AFF1: variants seen among roughly 807,000 people sequenced by gnomAD.
AFF1 encodes AF4/FMR2 family member 1.
Under a neutral mutation model 121.7 loss-of-function variants are expected in AFF1, and 48 were observed. The observed-to-expected ratio is 0.39, with a 90% CI of 0.31 to 0.50. The LOEUF is 0.50. AFF1 is among the 20% of genes least tolerant of loss of function. AFF1 has a pLI of 0.76. For missense variants in AFF1, 1,523 were observed against 1,511.7 expected (o/e 1.01, Z -0.12); for synonymous variants, 613 against 563.0 (o/e 1.09, Z -1.26).
intron 1 of AFF1, among the ~76,000 whole-genome samples, chr4:86,936,893 G>T (rs759518464): frequency 3.3e-5 from 5 of 152,192 alleles, no homozygotes; most frequent in Admixed American, 1.3e-4. Context: ...AAATACATAA[G>T]TAGTACGTAA....
At position 87,114,499 on chromosome 4, in the gene AFF1, G is replaced by A. The variant is rs1202954593; in HGVS notation, c.1666G>A (p.Asp556Asn). ...GCACCCAGAGAGTAAGGGCAGCAGC[G>A]ACAGTGCCACGAGTCAGGAGCATTC... Reference protein sequence around the residue: ...RRHPESKGSSDSATSQEHSES... With the variant: ...RRHPESKGSSNSATSQEHSES... The change falls in exon 12 of 21, where the codon GAC (aspartate) becomes AAC (asparagine). Residue 556 changes from aspartate to asparagine, a missense_variant. Around this residue, in one of 5 missense-constraint regions of AFF1, gnomAD observed 905 missense variants for 842.5 expected, o/e 1.07. Coordinates refer to ENST00000395146, the MANE Select transcript of AFF1 (RefSeq NM_001166693.3). The A allele has an allele frequency of 7.4e-6, 12 of 1,613,452 alleles. No individual in the cohort carries two copies. Among genetic ancestry groups the A allele is most frequent in the South Asian group, 3.3e-5 (3 of 91,054 alleles).
chr4:87,023,504 A>G (rs560678695), intron 2 of AFF1, among the ~76,000 whole-genome samples: 43 of 152,364 alleles, frequency 2.8e-4, no homozygotes, highest in Non-Finnish European at 5.0e-4. Flanking sequence ...TTTTAATTCA[A>G]CAATGACTTT....
chr4:87,038,760 A>T (rs1290961234), intron 2 of AFF1, among the ~76,000 whole-genome samples: 2 of 152,252 alleles, frequency 1.3e-5, no homozygotes, highest in African/African-American at 4.8e-5. Context: ...TCCAGAGTTA[A>T]TGTACACTGT....
At chr4:87,095,010 G>A (rs755866149) in intron 8 of AFF1, 41 bp downstream of exon 8, 1 of 1,566,970 alleles carries the variant, frequency 6.4e-7, no homozygotes, top group Non-Finnish European at 8.8e-7. Flanking sequence ...TTTGTAGTAT[G>A]AAATTGTAAT....
chr4:87,024,020 C>T (rs1304133613), intron 2 of AFF1, among the ~76,000 whole-genome samples: 1 of 152,096 alleles, frequency 6.6e-6, no homozygotes, highest in African/African-American at 2.4e-5. Flanking sequence ...TTTTATTAAG[C>T]AATTATTTAT....
At position 87,132,355 on chromosome 4, in the gene AFF1, A is replaced by G. The variant is rs773026940; in HGVS notation, c.3258A>G (p.Lys1086=). ...IAIKYSRTLN[K]HFESSSKVAQ... is the part of the protein sequence containing the mutation. ...TAAAGTATTCTCGTACTCTTAATAA[A>G]CACTTCGAGAGTTCTTCCAAAGTCG... Residue 1086 remains lysine, a synonymous_variant, in exon 19 of 21, where the codon AAA becomes AAG. Transcript: ENST00000395146. 1.9e-6 allele frequency: 3 copies of G among 1,613,338 alleles called. No individual in the cohort carries two copies. Among genetic ancestry groups the G allele is most frequent in the Middle Eastern group, 1.7e-4 (1 of 6,054 alleles).
chr4:87,131,374 G>A (rs879397761), intron 17 of AFF1, among the ~76,000 whole-genome samples, 155 bp downstream of exon 17: 12 of 152,194 alleles, frequency 7.9e-5, no homozygotes, highest in East Asian at 3.8e-4. Flanking sequence ...CTGAAGTTGC[G>A]TTCTAGATGA....
At chr4:87,021,439 T>G (rs1727887927) in intron 2 of AFF1, among the ~76,000 whole-genome samples, 1 of 152,230 alleles carries the variant, frequency 6.6e-6, no homozygotes, top group Non-Finnish European at 1.5e-5. Context: ...TGAATGTATT[T>G]TTAATGTAAC....
chr4:86,972,681 G>A (rs1723028279), intron 2 of AFF1, among the ~76,000 whole-genome samples: 1 of 152,036 alleles, frequency 6.6e-6, no homozygotes, highest in African/African-American at 2.4e-5. Flanking sequence ...AGGATTACAG[G>A]CGTGCACCAC....
chr4:87,116,188 T>C (rs1727104779), intron 12 of AFF1, among the ~76,000 whole-genome samples: 2 of 152,226 alleles, frequency 1.3e-5, no homozygotes, highest in Admixed American at 6.5e-5. Context: ...CGTTGCAAAG[T>C]GTTGACCATA....
intron 4 of AFF1, among the ~76,000 whole-genome samples, chr4:87,079,661 T>C (rs1578207446): frequency 1.3e-5 from 2 of 152,224 alleles, no homozygotes; most frequent in African/African-American, 4.8e-5. Flanking sequence ...GCTTCAGAGC[T>C]TTTGTGTGTC....
At chr4:87,127,166 T>TGG in intron 15 of AFF1, 49 bp downstream of exon 15, 9 of 1,087,340 alleles carry the variant, frequency 8.3e-6, no homozygotes, top group Admixed American at 2.3e-5. Context: ...TTGTTTTGCT[T>TGG]CCCCCCCCCA....
At chr4:87,010,718 C>A (rs1726650341) in intron 2 of AFF1, among the ~76,000 whole-genome samples, 1 of 152,180 alleles carries the variant, frequency 6.6e-6, no homozygotes, top group Non-Finnish European at 1.5e-5. Context: ...CTAACCCTCT[C>A]ATTGAAGCAG....
chr4:87,110,119 A>G (rs568359907), intron 11 of AFF1, among the ~76,000 whole-genome samples: 1 of 152,294 alleles, frequency 6.6e-6, no homozygotes, highest in Non-Finnish European at 1.5e-5. Flanking sequence ...AATATTGCAT[A>G]ATCAGTACTG....
rs1016482860 is a variant in AFF1, at chr4:87,139,847, T to C, written c.*4146T>C. The C allele has an allele frequency of 1.3e-5, 3 of 224,696 alleles. No homozygotes were observed. Among genetic ancestry groups the C allele is most frequent in the Non-Finnish European group, 1.8e-5 (2 of 112,882 alleles). The allele number at this position is 224,696 out of a possible 1,614,324, so 13.9% of individuals were successfully genotyped here. A position where few individuals can be genotyped will look rare whatever the true frequency, so the allele number is the denominator to read the frequency against. On this transcript the variant is annotated 3_prime_UTR_variant, in exon 21 of 21. Coordinates refer to ENST00000395146, the MANE Select transcript of AFF1 (RefSeq NM_001166693.3). ...CAGTTGTGTTGGTTTCTCGGTGACT[T>C]GGAGTGTTCATCTCTTCATGAATTG...
chr4:86,971,565 T>C (rs1027946217), intron 2 of AFF1, among the ~76,000 whole-genome samples: 1 of 152,214 alleles, frequency 6.6e-6, no homozygotes, highest in Non-Finnish European at 1.5e-5. Context: ...GGTACACATG[T>C]CTATTATAAG....
chr4:87,031,530 A>G (rs1156385894), intron 2 of AFF1, among the ~76,000 whole-genome samples: 2 of 151,828 alleles, frequency 1.3e-5, no homozygotes, highest in Non-Finnish European at 2.9e-5. Flanking sequence ...GGTCTAGCAC[A>G]TAAGAGGAAG....
chr4:87,074,790 T>C (rs889052225), intron 4 of AFF1, among the ~76,000 whole-genome samples: 3 of 152,228 alleles, frequency 2.0e-5, no homozygotes, highest in Non-Finnish European at 2.9e-5. Context: ...GGATATATAA[T>C]GGTAACAAAA....
chr4:87,023,871 G>A (rs923860225), intron 2 of AFF1, among the ~76,000 whole-genome samples: 2 of 152,176 alleles, frequency 1.3e-5, no homozygotes, highest in Non-Finnish European at 2.9e-5. Context: ...AAAGAGGAGT[G>A]GTGTAAGGGA....
Sources: allele counts gnomAD v4.1 joint callset (sites outside exome capture counted in the v4.1 genomes callset), GRCh38; gene constraint gnomAD v4.1.1; regional missense constraint gnomAD v4.1.1; transcripts MANE v1.5; gene names NCBI Gene and HGNC (gene_info 2026-07-23, HGNC 2026-07-21).